The following TMEM150A variants were observed in gnomAD, a reference collection of about 807,000 sequenced individuals.
TMEM150A encodes fasting-inducible integral membrane protein TM6P1.
A neutral mutation model predicts 29.8 loss-of-function variants in TMEM150A; 18 were observed. That is an observed-to-expected ratio of 0.60 (90% CI 0.42 to 0.90). The LOEUF (loss-of-function observed/expected upper bound fraction) is 0.90. TMEM150A is among the 40% of genes least tolerant of loss of function. TMEM150A has a pLI of 0.00. For synonymous variants in TMEM150A, 127 were observed against 143.6 expected, an observed-to-expected ratio of 0.88 and a Z score of 0.83; for missense variants, 251 against 349.7, an observed-to-expected ratio of 0.72 and a Z score of 2.25.
rs777802848 is a variant in TMEM150A, at chr2:85,599,227, T to C, written c.665A>G (p.Tyr222Cys). Reference sequence around the variant, plus strand: ...CCCAAACTCGTAGCTGAAGGTGCCATAGAAAATGAGGATATCGATGACACA... The same window carrying C: ...CCCAAACTCGTAGCTGAAGGTGCCACAGAAAATGAGGATATCGATGACACA... ...WVCVIDILIF[Y>C]GTFSYEFGAV... The change falls in exon 8 of 8, where the codon TAT becomes TGT. Residue 222 changes from tyrosine to cysteine, a missense_variant. Transcript: ENST00000334462. This position sits in a 1 kb window ranked among gnomAD's most constrained non-coding sequence, Gnocchi z 6.0. The C allele has an allele frequency of 1.2e-6, 2 of 1,613,570 alleles. No individual in the cohort carries two copies. The highest frequency in any genetic ancestry group is 8.5e-7 in the Non-Finnish European group (1 of 1,179,956).
In TMEM150A at chr2:85,599,242, T is replaced by C. The variant is rs937769601; in HGVS notation, c.650A>G (p.Asp217Gly). 1.2e-6 allele frequency: 2 copies of C among 1,613,762 alleles called. No homozygotes were observed. The highest frequency in any genetic ancestry group is 1.7e-6 in the Non-Finnish European group (2 of 1,179,956). Residue 217 changes from aspartate (D) to glycine (G), a missense_variant, in exon 8 of 8, where the codon GAT becomes GGT. By Grantham distance (94) the Asp-to-Gly change is moderately conservative. Transcript: ENST00000334462. The surrounding 1 kb of genome is among the most constrained non-coding windows in gnomAD (Gnocchi z 6.0). Reference sequence around the variant, plus strand: ...GAAGGTGCCATAGAAAATGAGGATATCGATGACACACACCCACTCACACAG... The same window carrying C: ...GAAGGTGCCATAGAAAATGAGGATACCGATGACACACACCCACTCACACAG... ...AALCEWVCVI[D>G]ILIFYGTFSY...
In TMEM150A at chr2:85,599,318, C is replaced by T; in HGVS notation, c.575-1G>A. The T allele has an allele frequency of 6.2e-7, 1 of 1,613,898 alleles. No homozygotes were observed. The highest frequency in any genetic ancestry group is 1.3e-5 in the African/African-American group (1 of 75,016). ...CTCTCATGGACAAAGAAGACTCCAC[C>T]TAAAACGAGGCTAAGGAAATGTTCA... On this transcript the variant is annotated splice_acceptor_variant, in intron 7 of 7. Coordinates refer to ENST00000334462, the MANE Select transcript of TMEM150A (RefSeq NM_001031738.3). LOFTEE classifies it high-confidence loss of function. This position sits in a 1 kb window ranked among gnomAD's most constrained non-coding sequence, Gnocchi z 6.0.
Position 85,599,788 on chromosome 2 carries a change from C to T in TMEM150A, c.397-86G>A, listed in dbSNP as rs1672826153. 1 of 1,599,274 alleles carries T rather than the reference C, an allele frequency of 6.3e-7. No homozygotes were observed. The highest frequency in any genetic ancestry group is 8.5e-7 in the Non-Finnish European group (1 of 1,171,796). ...TCAATGAATCTCCTCTCTCCCTCTT[C>T]CTTCCTCTCCCTCTTTCCAGCCCCA... On this transcript the variant is annotated intron_variant, in intron 6 of 7. Coordinates refer to ENST00000334462, the MANE Select transcript of TMEM150A (RefSeq NM_001031738.3). This position sits in a 1 kb window ranked among gnomAD's most constrained non-coding sequence, Gnocchi z 6.0.
rs985534892 is a variant in TMEM150A, at chr2:85,602,108, G to A, written c.-116-44C>T. 1 of 653,604 alleles carries A rather than the reference G, an allele frequency of 1.5e-6. No homozygotes were observed. The highest frequency in any genetic ancestry group is 2.7e-5 in the East Asian group (1 of 37,022). The allele number at this position is 653,604 out of a possible 1,614,324, so 40.5% of individuals were successfully genotyped here. A position where few individuals can be genotyped will look rare whatever the true frequency, so the allele number is the denominator to read the frequency against. On this transcript the variant is annotated intron_variant, in intron 1 of 7. Coordinates refer to ENST00000334462, the MANE Select transcript of TMEM150A (RefSeq NM_001031738.3). This position sits in a 1 kb window ranked among gnomAD's most constrained non-coding sequence, Gnocchi z 5.6. ...AGTCCAGGAGTGGGTAACTGGCCGGGAAGGGGGAGGGGAAGGGGGTCAACA... is the reference window on the plus strand; with the variant it reads ...AGTCCAGGAGTGGGTAACTGGCCGGAAAGGGGGAGGGGAAGGGGGTCAACA...
In TMEM150A at chr2:85,599,049, G is replaced by A; in HGVS notation, c.*27C>T. 1.2e-6 allele frequency: 2 copies of A among 1,600,540 alleles called. No individual in the cohort carries two copies. The highest frequency in any genetic ancestry group is 1.7e-6 in the Non-Finnish European group (2 of 1,170,160). On this transcript the variant is annotated 3_prime_UTR_variant, in exon 8 of 8. Coordinates refer to ENST00000334462, the MANE Select transcript of TMEM150A (RefSeq NM_001031738.3). The surrounding 1 kb of genome is among the most constrained non-coding windows in gnomAD (Gnocchi z 6.0). ...AAGATATGGGGTGGGGTGCTGTGGA[G>A]GCCGGGCCAGCCACCCTCCCCAGAC... is the stretch of plus-strand genomic sequence containing the variant.
Position 85,599,664 on chromosome 2 carries a change from G to T in TMEM150A, c.435C>A (p.Gly145=). The T allele has an allele frequency of 6.2e-7, 1 of 1,613,558 alleles. No individual in the cohort carries two copies. Among genetic ancestry groups the T allele is most frequent in the African/African-American group, 1.3e-5 (1 of 75,056 alleles). The change falls in exon 7 of 8, where the codon GGC becomes GGA. Residue 145 remains glycine (G), a synonymous_variant. Transcript: ENST00000334462. The surrounding 1 kb of genome is among the most constrained non-coding windows in gnomAD (Gnocchi z 6.0). ...HARSLHYVGA[G]VAFPAGLLFV... ...AGAGCAGCCCCGCAGGGAAGGCCAC[G>T]CCAGCTCCAACGTAGTGCAGAGACC...
Position 85,602,269 on chromosome 2 carries a change from G to T in TMEM150A, c.-116-205C>A. 3.4e-6 allele frequency: 1 copy of T among 290,848 alleles called. No individual in the cohort carries two copies. The highest frequency in any genetic ancestry group is 6.7e-6 in the Non-Finnish European group (1 of 148,814). 18.0% of individuals were successfully genotyped at this position (290,848 alleles called of 1,614,324 possible). A position where few individuals can be genotyped will look rare whatever the true frequency, so the allele number is the denominator to read the frequency against. ...CACCGGCGTGCTGAGAGACGCAGGC[G>T]GACCGTAACATCTGGAAGGGAGTTA... On this transcript the variant is annotated intron_variant, in intron 1 of 7. Coordinates refer to ENST00000334462, the MANE Select transcript of TMEM150A (RefSeq NM_001031738.3). The surrounding 1 kb of genome is among the most constrained non-coding windows in gnomAD (Gnocchi z 5.6).
intron 4 of TMEM150A, chr2:85,600,774 C>T (rs971985797): frequency 1.8e-6 from 1 of 554,868 alleles, no homozygotes; most frequent in African/African-American, 1.9e-5. Flanking sequence ...ATGAGGAAGA[C>T]TGAGCCTGTT....
chr2:85,600,156 G>A, intron 5 of TMEM150A, 138 bp from the exon 6 acceptor site: 2 of 1,342,854 alleles, frequency 1.5e-6, no homozygotes, highest in Non-Finnish European at 2.0e-6. Context: ...TGGTGAACTA[G>A]GTTTCCTCAG....
At chr2:85,600,104 C>A in intron 5 of TMEM150A, 86 bp from the exon 6 acceptor site, 1 of 1,550,548 alleles carries the variant, frequency 6.4e-7, no homozygotes, top group Non-Finnish European at 8.8e-7. Flanking sequence ...CGCTGTGGTG[C>A]TCCTGCCCCT....
Position 85,599,861 on chromosome 2 carries a change from T to C in TMEM150A, c.396+30A>G. 6.2e-7 allele frequency: 1 copy of C among 1,612,808 alleles called. No individual in the cohort carries two copies. Among genetic ancestry groups the C allele is most frequent in the Non-Finnish European group, 8.5e-7 (1 of 1,179,930 alleles). On this transcript the variant is annotated intron_variant, in intron 6 of 7. Coordinates refer to ENST00000334462, the MANE Select transcript of TMEM150A (RefSeq NM_001031738.3). This position sits in a 1 kb window ranked among gnomAD's most constrained non-coding sequence, Gnocchi z 6.0. ...GCAGCCAGGCCTTGTTAGGTAAAGT[T>C]TAAGGTTTGCAGGGGAGAAGGGGAA...
Position 85,601,014 on chromosome 2 carries a change from GC to G in TMEM150A, c.200+6del. 1 of 1,612,394 alleles carries G rather than the reference GC, an allele frequency of 6.2e-7. No homozygotes were observed. Among genetic ancestry groups the G allele is most frequent in the Non-Finnish European group, 8.5e-7 (1 of 1,179,374 alleles). On this transcript the variant is annotated splice_donor_region_variant and intron_variant, in intron 4 of 7. Transcript: ENST00000334462. This position sits in a 1 kb window ranked among gnomAD's most constrained non-coding sequence, Gnocchi z 4.0. Reference sequence around the variant, plus strand: ...TCTCCCTGACCGGCCCAATGTCCAGGCCTTACCTGATGAGGGGGACATCGTC... The same window carrying G: ...TCTCCCTGACCGGCCCAATGTCCAGGCTTACCTGATGAGGGGGACATCGTC...
rs1471579206 is a variant in TMEM150A at position 85,602,431 on chromosome 2, T to C, written c.-117+176A>G. 6.6e-6 allele frequency: 1 copy of C among 152,058 alleles called. No individual in the cohort carries two copies. Among genetic ancestry groups the C allele is most frequent in the African/African-American group, 2.4e-5 (1 of 41,364 alleles). The allele number at this position is 152,058 out of a possible 1,614,324, so 9.4% of individuals were successfully genotyped here. A position where few individuals can be genotyped will look rare whatever the true frequency, so the allele number is the denominator to read the frequency against. ...GGCAACCACCTGACCATCGGCGCCC[T>C]GGGCGAGGGGCGGGTTCACGCGGAA... On this transcript the variant is annotated intron_variant, in intron 1 of 7. Coordinates refer to ENST00000334462, the MANE Select transcript of TMEM150A (RefSeq NM_001031738.3). The surrounding 1 kb of genome is among the most constrained non-coding windows in gnomAD (Gnocchi z 5.6).
rs375409745 is a variant in TMEM150A, at chr2:85,599,310, G to A, written c.582C>T (p.Val194=). 3 of 1,613,948 alleles carry A rather than the reference G, an allele frequency of 1.9e-6. No homozygotes were observed. In the Admixed American group the frequency reaches 5.0e-5, roughly 27 times the overall value. The part of the protein sequence containing the change: ...IAFITLVLSG[V]FFVHESSQLQ... The stretch of plus-strand genomic sequence containing the variant: ...GCTGAGAACTCTCATGGACAAAGAA[G>A]ACTCCACCTAAAACGAGGCTAAGGA... Residue 194 remains valine, a synonymous_variant, in exon 8 of 8, where the codon GTC becomes GTT. Transcript: ENST00000334462. The surrounding 1 kb of genome is among the most constrained non-coding windows in gnomAD (Gnocchi z 6.0).
At position 85,601,991 on chromosome 2, in the gene TMEM150A, AAGAGGT is replaced by A; in HGVS notation, c.-49_-44del. 1 of 1,600,572 alleles carries A rather than the reference AAGAGGT, an allele frequency of 6.2e-7. No individual in the cohort carries two copies. The highest frequency in any genetic ancestry group is 8.6e-7 in the Non-Finnish European group (1 of 1,168,154). Reference sequence around the variant, plus strand: ...GTGGTGGTGGTGTTGGGGGGAGGACAAGAGGTAGATGGGGAAGTGGGGGCGGACCAG... The same window carrying A: ...GTGGTGGTGGTGTTGGGGGGAGGACAAGATGGGGAAGTGGGGGCGGACCAG... On this transcript the variant is annotated 5_prime_UTR_variant, in exon 2 of 8. Transcript: ENST00000334462. The surrounding 1 kb of genome is among the most constrained non-coding windows in gnomAD (Gnocchi z 4.0).
rs762190248 is a variant in TMEM150A at position 85,599,878 on chromosome 2, GA to G, written c.396+12del. 12 of 1,613,242 alleles carry G rather than the reference GA, an allele frequency of 7.4e-6. No individual in the cohort carries two copies. Among genetic ancestry groups the G allele is most frequent in the Non-Finnish European group, 9.3e-6 (11 of 1,180,038 alleles). ...GGTAAAGTTTAAGGTTTGCAGGGGA[GA>G]AGGGGAAGCACCTGAAAGTTGCCAA... On this transcript the variant is annotated intron_variant, in intron 6 of 7. Transcript: ENST00000334462. The surrounding 1 kb of genome is among the most constrained non-coding windows in gnomAD (Gnocchi z 6.0).
Position 85,599,755 on chromosome 2 carries a change from C to T in TMEM150A, c.397-53G>A. ...ATGTGGCCATGGCCCCACCTCTCCA[C>T]CCCTCCTTCAATGAATCTCCTCTCT... On this transcript the variant is annotated intron_variant, in intron 6 of 7. Coordinates refer to ENST00000334462, the MANE Select transcript of TMEM150A (RefSeq NM_001031738.3). This position sits in a 1 kb window ranked among gnomAD's most constrained non-coding sequence, Gnocchi z 6.0. The T allele has an allele frequency of 6.3e-7, 1 of 1,593,580 alleles. No individual in the cohort carries two copies. The highest frequency in any genetic ancestry group is 1.1e-5 in the South Asian group (1 of 88,786).
Position 85,601,889 on chromosome 2 carries a change from C to T in TMEM150A, c.60G>A (p.Trp20Ter). The stretch of plus-strand genomic sequence containing the variant: ...GGGCACCCCCCTTTACTCACACAGT[C>T]CATATGCCAGTGATGGAGAACGCTG... ...SLSAFSITGI[W>*]TVYAMAVMNH... Residue 20 changes from tryptophan (W) to a stop codon, truncating the protein, a stop_gained, in exon 2 of 8, where the codon TGG becomes TGA. Coordinates refer to ENST00000334462, the MANE Select transcript of TMEM150A (RefSeq NM_001031738.3). LOFTEE classifies it high-confidence loss of function. The surrounding 1 kb of genome is among the most constrained non-coding windows in gnomAD (Gnocchi z 4.0). 6.2e-7 allele frequency: 1 copy of T among 1,614,038 alleles called. No individual in the cohort carries two copies. Among genetic ancestry groups the T allele is most frequent in the Non-Finnish European group, 8.5e-7 (1 of 1,179,960 alleles).
chr2:85,601,186 G>GGCCTCAAAGA lies in TMEM150A; in HGVS notation c.114-80_114-79insTCTTTGAGGC. ...GGCCTATAGCCTCAGGCCTCAAAGAGGACTCTCTCCCAGACCTCCCCTACA... is the reference window on the plus strand; with the variant it reads ...GGCCTATAGCCTCAGGCCTCAAAGAGGCCTCAAAGAGACTCTCTCCCAGACCTCCCCTACA... On this transcript the variant is annotated intron_variant, in intron 3 of 7. Transcript: ENST00000334462. The surrounding 1 kb of genome is among the most constrained non-coding windows in gnomAD (Gnocchi z 4.0). 6.8e-7 allele frequency: 1 copy of GGCCTCAAAGA among 1,461,162 alleles called. No individual in the cohort carries two copies. Among genetic ancestry groups the GGCCTCAAAGA allele is most frequent in the Non-Finnish European group, 9.5e-7 (1 of 1,056,132 alleles). The allele number at this position is 1,461,162 out of a possible 1,614,324, so 90.5% of individuals were successfully genotyped here. A position where few individuals can be genotyped will look rare whatever the true frequency, so the allele number is the denominator to read the frequency against.
Sources: gnomAD v4.1 joint callset for allele counts on GRCh38, gnomAD v4.1.1 for gene constraint, Gnocchi (gnomAD v3.1) non-coding constraint, MANE v1.5 for transcripts, NCBI Gene and HGNC (gene_info 2026-07-23, HGNC 2026-07-21) for gene names.